Variants in BRI3BP observed in about 807,000 individuals in gnomAD.
BRI3BP encodes BRI3-binding protein.
In BRI3BP, 7 loss-of-function variants were observed where a neutral mutation model predicts 15.8. The ratio of observed to expected loss-of-function variants is 0.44; its 90% CI spans 0.25 to 0.83. The LOEUF is 0.83. BRI3BP is among the 40% of genes least tolerant of loss of function. The pLI, the probability that BRI3BP is intolerant of heterozygous loss-of-function variation, is 0.20. For synonymous variants in BRI3BP, 192 were observed against 163.5 expected (o/e 1.17, Z -1.33); for missense variants, 320 against 339.3 (o/e 0.94, Z 0.45).
the BRI3BP span, among the ~76,000 whole-genome samples, chr12:125,040,288 G>T: frequency 6.6e-6 from 1 of 151,252 alleles, no homozygotes; most frequent in African/African-American, 2.4e-5. Flanking sequence ...GGACCATGCC[G>T]TTCTCATTAA....
the BRI3BP span, among the ~76,000 whole-genome samples, chr12:125,043,476 G>T: frequency 1.3e-5 from 2 of 152,184 alleles, no homozygotes; most frequent in African/African-American, 4.8e-5. Context: ...TATAATCCCA[G>T]CACTTTGGAA....
At chr12:125,000,591 C>T (rs1251668912) in intron 1 of BRI3BP, among the ~76,000 whole-genome samples, 1 of 152,076 alleles carries the variant, frequency 6.6e-6, no homozygotes, top group Non-Finnish European at 1.5e-5. Context: ...GGATTACAGG[C>T]GTGAGCCACC....
At chr12:125,024,141 C>T (rs1335246264) in intron 2 of BRI3BP, among the ~76,000 whole-genome samples, 1 of 152,116 alleles carries the variant, frequency 6.6e-6, no homozygotes, top group African/African-American at 2.4e-5. Context: ...GCTCAGGAAA[C>T]TTATAATCAT....
At chr12:125,011,826 G>A (rs1955199178) in intron 1 of BRI3BP, among the ~76,000 whole-genome samples, 1 of 152,210 alleles carries the variant, frequency 6.6e-6, no homozygotes, top group Non-Finnish European at 1.5e-5. Flanking sequence ...AGGGTCCTTA[G>A]AGTTGGATAG....
At chr12:125,002,317 G>A (rs61943896) in intron 1 of BRI3BP, among the ~76,000 whole-genome samples, 52,175 of 149,874 alleles carry the variant, frequency 0.35, 9,200 homozygotes, top group East Asian at 0.39. Flanking sequence ...CGTTTTACCT[G>A]CCTACCAGCA....
At chr12:125,001,428 C>T (rs761351704) in intron 1 of BRI3BP, among the ~76,000 whole-genome samples, 5 of 152,170 alleles carry the variant, frequency 3.3e-5, no homozygotes, top group Non-Finnish European at 4.4e-5. Flanking sequence ...GGCGCAGTCT[C>T]GGCTCGGTGC....
chr12:125,006,756 G>T (rs1021704551), intron 1 of BRI3BP, among the ~76,000 whole-genome samples: 5 of 152,196 alleles, frequency 3.3e-5, no homozygotes, highest in African/African-American at 1.2e-4. Flanking sequence ...GCACAGAGAG[G>T]TTCAACAGTG....
chr12:125,050,524 T>G, the BRI3BP span, among the ~76,000 whole-genome samples: 1 of 152,256 alleles, frequency 6.6e-6, no homozygotes, highest in African/African-American at 2.4e-5. Context: ...AGAAGAGACC[T>G]GCAAATTCTG....
chr12:124,994,153 C>A (rs1157320272), intron 1 of BRI3BP, 150 bp downstream of exon 1: 5 of 456,786 alleles, frequency 1.1e-5, no homozygotes, highest in African/African-American at 1.1e-4. Flanking sequence ...CGGGGCCTGC[C>A]GCCTGCGGCC....
the BRI3BP span, among the ~76,000 whole-genome samples, chr12:125,049,123 G>T: frequency 2.6e-5 from 4 of 152,002 alleles, no homozygotes; most frequent in East Asian, 7.7e-4. Flanking sequence ...CACCACGCCT[G>T]GCTAATTTTT....
At chr12:125,022,342 G>C (rs1192632159) in intron 2 of BRI3BP, among the ~76,000 whole-genome samples, 2 of 152,072 alleles carry the variant, frequency 1.3e-5, no homozygotes, top group Admixed American at 6.6e-5. Context: ...GGAAAAATTA[G>C]ACTTCAGAAT....
chr12:125,050,483 G>C, the BRI3BP span, among the ~76,000 whole-genome samples: 1 of 152,124 alleles, frequency 6.6e-6, no homozygotes, highest in Non-Finnish European at 1.5e-5. Context: ...ATGTCCAAAA[G>C]AAATGCACAA....
chr12:124,997,214 CT>C (rs1229802280), intron 1 of BRI3BP, among the ~76,000 whole-genome samples: 4,030 of 51,460 alleles, frequency 0.078, 150 homozygotes, highest in Middle Eastern at 0.2. Flanking sequence ...CTTTACTTCT[CT>C]TTTTTTTTTT....
At chr12:124,994,958 A>G (rs2135984554) in intron 1 of BRI3BP, among the ~76,000 whole-genome samples, 1 of 152,232 alleles carries the variant, frequency 6.6e-6, no homozygotes, top group South Asian at 2.1e-4. Context: ...GGGGATAGTA[A>G]TCATTCCCCT....
intron 1 of BRI3BP, among the ~76,000 whole-genome samples, chr12:125,010,549 T>C (rs1955188203): frequency 1.3e-5 from 2 of 152,016 alleles, no homozygotes; most frequent in African/African-American, 2.4e-5. Context: ...GAAGCTGAGA[T>C]GGGTGGATCA....
intron 2 of BRI3BP, among the ~76,000 whole-genome samples, chr12:125,014,693 A>T (rs140936693): frequency 4.6e-5 from 7 of 152,330 alleles, no homozygotes; most frequent in Non-Finnish European, 1.0e-4. Context: ...CATAAACCAC[A>T]TCATTTGTGT....
At chr12:125,044,959 A>G in the BRI3BP span, among the ~76,000 whole-genome samples, 1 of 152,188 alleles carries the variant, frequency 6.6e-6, no homozygotes, top group Non-Finnish European at 1.5e-5. Context: ...TAATATTCAA[A>G]ACAGTCATCC....
chr12:125,034,796 GC>G (rs1168283499), downstream of BRI3BP, among the ~76,000 whole-genome samples: 1 of 152,014 alleles, frequency 6.6e-6, no homozygotes, highest in African/African-American at 2.4e-5. Context: ...CACCATATTG[GC>G]CAGACTAGTC....
Position 124,993,722 on chromosome 12 carries a change from C to G in BRI3BP, c.-69C>G. On this transcript the variant is annotated 5_prime_UTR_variant, in exon 1 of 3. Coordinates refer to ENST00000341446, the MANE Select transcript of BRI3BP (RefSeq NM_080626.6). ...CCCGAGCGCGCCAACCTTGCCCTAG[C>G]CGGAGCCCGCTGCGGCCCAGCGCAC... is the stretch of plus-strand genomic sequence containing the variant. The G allele has an allele frequency of 1.1e-6, 1 of 906,706 alleles. No homozygotes were observed. Among genetic ancestry groups the G allele is most frequent in the Non-Finnish European group, 1.3e-6 (1 of 759,380 alleles). 56.2% of individuals were successfully genotyped at this position (906,706 alleles called of 1,614,324 possible). A position where few individuals can be genotyped will look rare whatever the true frequency, so the allele number is the denominator to read the frequency against.
Sources: allele counts gnomAD v4.1 joint callset (sites outside exome capture counted in the v4.1 genomes callset), GRCh38; gene constraint gnomAD v4.1.1; transcripts MANE v1.5; gene names NCBI Gene and HGNC (gene_info 2026-07-23, HGNC 2026-07-21).